The following HSD11B2 variants were observed in gnomAD, a reference collection of about 807,000 sequenced individuals.
HSD11B2 encodes 11-beta-hydroxysteroid dehydrogenase type 2.
In HSD11B2, 17 loss-of-function variants were observed where a neutral mutation model predicts 20.9. The observed-to-expected ratio is 0.81, with a 90% CI of 0.56 to 1.22. HSD11B2 has a LOEUF of 1.22. Ranked by LOEUF, HSD11B2 falls within the 50% of genes most tolerant of loss-of-function variation. HSD11B2 has a pLI of 0.00. For missense variants in HSD11B2, 480 were observed against 563.6 expected, an observed-to-expected ratio of 0.85 and a Z score of 1.50; for synonymous variants, 253 against 255.4, an observed-to-expected ratio of 0.99 and a Z score of 0.09.
At chr16:67,435,253 C>T (rs931267275) in intron 1 of HSD11B2, among the ~76,000 whole-genome samples, 1 of 151,838 alleles carries the variant, frequency 6.6e-6, no homozygotes, top group African/African-American at 2.4e-5. Context: ...AATACTGTGC[C>T]TGTGCCTGTG....
At position 67,435,842 on chromosome 16, in the gene HSD11B2, T is replaced by C. The variant is rs920309824; in HGVS notation, c.478+2T>C. On this transcript the variant is annotated splice_donor_variant, in intron 2 of 4. Transcript: ENST00000326152. LOFTEE classifies it high-confidence loss of function. Reference sequence around the variant, plus strand: ...CCAAGGCCCACACCACCAGCACCGGTCAGTGGCAAGTGTCCACCAGGCAAG... The same window carrying C: ...CCAAGGCCCACACCACCAGCACCGGCCAGTGGCAAGTGTCCACCAGGCAAG... 1 of 1,613,944 alleles carries C rather than the reference T, an allele frequency of 6.2e-7. No homozygotes were observed. Among genetic ancestry groups the C allele is most frequent in the South Asian group, 1.1e-5 (1 of 91,076 alleles).
At chr16:67,432,730 AG>A (rs1182682464) in intron 1 of HSD11B2, 1 of 152,384 alleles carries the variant, frequency 6.6e-6, no homozygotes, top group Non-Finnish European at 1.5e-5. Context: ...GAGGCAGAGT[AG>A]GGGGGAAGGA....
chr16:67,430,168 C>G (rs1490410731), upstream of HSD11B2, among the ~76,000 whole-genome samples: 2 of 152,128 alleles, frequency 1.3e-5, no homozygotes, highest in Non-Finnish European at 2.9e-5. This position sits in a 1 kb window ranked among gnomAD's most constrained non-coding sequence, Gnocchi z 5.4. Flanking sequence ...GGGCCACACA[C>G]AAGCATGGAG....
Position 67,437,242 on chromosome 16 carries a change from C to T in HSD11B2, c.*239C>T, listed in dbSNP as rs376157331. The T allele has an allele frequency of 3.0e-5, 18 of 593,802 alleles. 1 individual carries two copies. Among genetic ancestry groups the T allele is most frequent in the South Asian group, 8.0e-5 (4 of 49,736 alleles). 36.8% of individuals were successfully genotyped at this position (593,802 alleles called of 1,614,324 possible). On this transcript the variant is annotated 3_prime_UTR_variant, in exon 5 of 5. Transcript: ENST00000326152. ...GAGCCCAAACACCCTCCTGGCACAA[C>T]GCTCTACCCTGCAGCTTGGAGAACT...
chr16:67,432,502 A>C (rs1485380085), intron 1 of HSD11B2: 1 of 152,244 alleles, frequency 6.6e-6, no homozygotes, highest in Non-Finnish European at 1.5e-5. Context: ...AATTTTCCGG[A>C]GGAGGAAATC....
At chr16:67,434,833 C>T (rs369178323) in intron 1 of HSD11B2, among the ~76,000 whole-genome samples, 6 of 152,144 alleles carry the variant, frequency 3.9e-5, no homozygotes, top group African/African-American at 1.4e-4. Flanking sequence ...TAGAGACCAG[C>T]CTGACCAACA....
intron 1 of HSD11B2, chr16:67,432,918 T>C (rs976206965): frequency 6.6e-6 from 1 of 152,242 alleles, no homozygotes; most frequent in Non-Finnish European, 1.5e-5. Flanking sequence ...GGTTGTGGGC[T>C]CTGCCTCTGG....
At position 67,431,334 on chromosome 16, in the gene HSD11B2, G is replaced by C; in HGVS notation, c.86G>C (p.Arg29Pro). The C allele has an allele frequency of 2.4e-6, 3 of 1,248,726 alleles. No individual in the cohort carries two copies. Among genetic ancestry groups the C allele is most frequent in the Non-Finnish European group, 2.0e-6 (2 of 986,436 alleles). 77.4% of individuals were successfully genotyped at this position (1,248,726 alleles called of 1,614,324 possible). ...CTGCAGCTGCTGCGCTCAGACCTGCGTCTGGGCCGCCCGCTGCTGGCGGCG... is the reference window on the plus strand; with the variant it reads ...CTGCAGCTGCTGCGCTCAGACCTGCCTCTGGGCCGCCCGCTGCTGGCGGCG... ...ALLQLLRSDLRLGRPLLAALA... is the reference protein window; with the variant it reads ...ALLQLLRSDLPLGRPLLAALA... The change falls in exon 1 of 5, where the codon CGT becomes CCT. Residue 29 changes from arginine to proline, a missense_variant. By Grantham distance (103) the Arg-to-Pro change is moderately radical (BLOSUM62 -2). Coordinates refer to ENST00000326152, the MANE Select transcript of HSD11B2 (RefSeq NM_000196.4).
Position 67,436,147 on chromosome 16 carries a change from G to A in HSD11B2, c.664+5G>A, listed in dbSNP as rs2040969156. ...TGACTGTGGGGAGCCCAGCGGGTGAGTGCCCCCCCCCACTGGAGCAAAAAG... is the reference window on the plus strand; with the variant it reads ...TGACTGTGGGGAGCCCAGCGGGTGAATGCCCCCCCCCACTGGAGCAAAAAG... On this transcript the variant is annotated splice_donor_5th_base_variant and intron_variant, in intron 3 of 4. Coordinates refer to ENST00000326152, the MANE Select transcript of HSD11B2 (RefSeq NM_000196.4). The surrounding 1 kb of genome is among the most constrained non-coding windows in gnomAD (Gnocchi z 5.7). The A allele has an allele frequency of 6.2e-7, 1 of 1,613,430 alleles. No individual in the cohort carries two copies.
chr16:67,436,416 G>C lies in HSD11B2; in HGVS notation c.802+30G>C. 6.6e-7 allele frequency: 1 copy of C among 1,515,322 alleles called. No homozygotes were observed. Among genetic ancestry groups the C allele is most frequent in the South Asian group, 1.2e-5 (1 of 84,134 alleles). The allele number at this position is 1,515,322 out of a possible 1,614,324, so 93.9% of individuals were successfully genotyped here. On this transcript the variant is annotated intron_variant, in intron 4 of 4. Coordinates refer to ENST00000326152, the MANE Select transcript of HSD11B2 (RefSeq NM_000196.4). The surrounding 1 kb of genome is among the most constrained non-coding windows in gnomAD (Gnocchi z 5.7). ...GAATCAGGGCTGGGGGTGGGGTGGG[G>C]GTGGGGAATGGGGCTGGGAATGGTC... is the stretch of plus-strand genomic sequence containing the variant.
chr16:67,433,611 G>C (rs1174831052), intron 1 of HSD11B2, among the ~76,000 whole-genome samples: 1 of 151,824 alleles, frequency 6.6e-6, no homozygotes, highest in Non-Finnish European at 1.5e-5. Context: ...GTCAGAACTG[G>C]GAGGTCTGTT....
In HSD11B2 at chr16:67,436,820, G is replaced by C; in HGVS notation, c.1035G>C (p.Gly345=). The change falls in exon 5 of 5, where the codon GGG becomes GGC. Residue 345 remains glycine, a synonymous_variant. Coordinates refer to ENST00000326152, the MANE Select transcript of HSD11B2 (RefSeq NM_000196.4). The surrounding 1 kb of genome is among the most constrained non-coding windows in gnomAD (Gnocchi z 5.7). ...RRRYYPGQGL[G]LMYFIHYYLP... ...GCTATTACCCCGGCCAGGGCCTGGG[G>C]CTCATGTACTTCATCCACTACTACC... is the stretch of plus-strand genomic sequence containing the variant. 1 of 1,613,724 alleles carries C rather than the reference G, an allele frequency of 6.2e-7. No individual in the cohort carries two copies. Among genetic ancestry groups the C allele is most frequent in the Non-Finnish European group, 8.5e-7 (1 of 1,180,018 alleles).
At position 67,435,700 on chromosome 16, in the gene HSD11B2, T is replaced by C; in HGVS notation, c.338T>C (p.Val113Ala). Residue 113 changes from valine (V) to alanine (A), a missense_variant, in exon 2 of 5, where the codon GTA becomes GCA. Physicochemically the swap from Val to Ala is moderately conservative, Grantham distance 64 (BLOSUM62 0). Coordinates refer to ENST00000326152, the MANE Select transcript of HSD11B2 (RefSeq NM_000196.4). ...ATGGGCTTCACGGTGCTGGCCACCG[T>C]ATTGGAGTTGAACAGCCCCGGTGCC... The part of the protein sequence containing the change: ...DSMGFTVLAT[V>A]LELNSPGAIE... The C allele has an allele frequency of 6.2e-7, 1 of 1,613,816 alleles. No individual in the cohort carries two copies. The highest frequency in any genetic ancestry group is 8.5e-7 in the Non-Finnish European group (1 of 1,179,952).
chr16:67,431,531 G>C lies in HSD11B2; in HGVS notation c.265+18G>C. Reference sequence around the variant, plus strand: ...CATCACCGGTGAGTGCGCGGGTCGCGGAGCGCGGGGACTCCAGGCTCGAGG... The same window carrying C: ...CATCACCGGTGAGTGCGCGGGTCGCCGAGCGCGGGGACTCCAGGCTCGAGG... On this transcript the variant is annotated intron_variant, in intron 1 of 4. Transcript: ENST00000326152. The C allele has an allele frequency of 7.4e-7, 1 of 1,356,600 alleles. No homozygotes were observed. The allele number at this position is 1,356,600 out of a possible 1,614,324, so 84.0% of individuals were successfully genotyped here.
rs750735030 is a variant in HSD11B2 at position 67,436,186 on chromosome 16, TG to T, written c.664+49del. 51 of 1,612,578 alleles carry T rather than the reference TG, an allele frequency of 3.2e-5. No homozygotes were observed. Among genetic ancestry groups the T allele is most frequent in the Non-Finnish European group, 4.2e-5 (50 of 1,179,608 alleles). Reference sequence around the variant, plus strand: ...TGGAGCAAAAAGGAGCCCCCTGGGGTGGGGGAGGGCTTAGGGAGCCCCTTGC... The same window carrying T: ...TGGAGCAAAAAGGAGCCCCCTGGGGTGGGGAGGGCTTAGGGAGCCCCTTGC... On this transcript the variant is annotated intron_variant, in intron 3 of 4. Coordinates refer to ENST00000326152, the MANE Select transcript of HSD11B2 (RefSeq NM_000196.4). This position sits in a 1 kb window ranked among gnomAD's most constrained non-coding sequence, Gnocchi z 5.7.
At chr16:67,432,208 T>C (rs1312752277) in intron 1 of HSD11B2, among the ~76,000 whole-genome samples, 1 of 146,084 alleles carries the variant, frequency 6.8e-6, no homozygotes, top group Non-Finnish European at 1.5e-5. Context: ...CTAGCTGAGC[T>C]CCTTTGTCTG....
chr16:67,436,857 C>G lies in HSD11B2; in HGVS notation c.1072C>G (p.Leu358Val). ...YFIHYYLPEGLRRRFLQAFFI... is the reference protein window; with the variant it reads ...YFIHYYLPEGVRRRFLQAFFI... ...CATCCACTACTACCTGCCTGAAGGC[C>G]TGCGGCGCCGCTTCCTGCAGGCCTT... Residue 358 changes from leucine to valine, a missense_variant, in exon 5 of 5, where the codon CTG becomes GTG. Leu to Val is a conservative substitution (Grantham distance 32). Around this residue, in one of 2 missense-constraint regions of HSD11B2, gnomAD observed 374 missense variants for 480.9 expected, o/e 0.78. Transcript: ENST00000326152. The surrounding 1 kb of genome is among the most constrained non-coding windows in gnomAD (Gnocchi z 5.7). The G allele has an allele frequency of 6.2e-7, 1 of 1,613,664 alleles. No homozygotes were observed. The highest frequency in any genetic ancestry group is 8.5e-7 in the Non-Finnish European group (1 of 1,180,026).
In HSD11B2 at chr16:67,435,673, C is replaced by T; in HGVS notation, c.311C>T (p.Ser104Phe). The T allele has an allele frequency of 6.2e-7, 1 of 1,613,882 alleles. No homozygotes were observed. The highest frequency in any genetic ancestry group is 1.1e-5 in the South Asian group (1 of 91,084). Residue 104 changes from serine to phenylalanine, a missense_variant, in exon 2 of 5, where the codon TCC (serine) becomes TTC (phenylalanine). By Grantham distance (155) the Ser-to-Phe change is radical. This residue lies in a region of HSD11B2 where 374 missense variants were observed against 480.9 expected (regional missense o/e 0.78). Transcript: ENST00000326152. ...FGKETAKKLD[S>F]MGFTVLATVL... ...AAGGAGACGGCCAAGAAACTGGACT[C>T]CATGGGCTTCACGGTGCTGGCCACC...
Position 67,437,317 on chromosome 16 carries a change from A to C in HSD11B2, c.*314A>C. The C allele has an allele frequency of 2.0e-6, 1 of 492,920 alleles. No homozygotes were observed. Among genetic ancestry groups the C allele is most frequent in the Non-Finnish European group, 3.7e-6 (1 of 273,542 alleles). 30.5% of individuals were successfully genotyped at this position (492,920 alleles called of 1,614,324 possible). On this transcript the variant is annotated 3_prime_UTR_variant, in exon 5 of 5. Transcript: ENST00000326152. Reference sequence around the variant, plus strand: ...AGACTTCACTGCAGCCTTTCACAGGACTCTGCAGATAGTGCCTCTGCAAAC... The same window carrying C: ...AGACTTCACTGCAGCCTTTCACAGGCCTCTGCAGATAGTGCCTCTGCAAAC...
Sources: gnomAD v4.1 joint callset for allele counts (sites outside exome capture counted in the v4.1 genomes callset) on GRCh38, gnomAD v4.1.1 for gene constraint, gnomAD v4.1.1 regional missense constraint, Gnocchi (gnomAD v3.1) non-coding constraint, MANE v1.5 for transcripts, NCBI Gene and HGNC (gene_info 2026-07-23, HGNC 2026-07-21) for gene names.